The following TJP1 variants were observed in gnomAD, a reference collection of about 807,000 sequenced individuals.
TJP1 encodes the protein tight junction protein ZO-1.
TJP1 carries 43 observed loss-of-function variants against 194.2 expected under a neutral mutation model. That is an observed-to-expected ratio of 0.22 (90% CI 0.17 to 0.29). The LOEUF is 0.29. TJP1 is among the 10% of genes least tolerant of loss of function. The pLI, the probability that TJP1 is intolerant of heterozygous loss-of-function variation, is 1.00. For missense variants in TJP1, 1,971 were observed against 2,185.7 expected, an observed-to-expected ratio of 0.90 and a Z score of 1.96; for synonymous variants, 801 against 779.0, an observed-to-expected ratio of 1.03 and a Z score of -0.47.
At chr15:29,774,114 A>G (rs572834452) in intron 2 of TJP1, among the ~76,000 whole-genome samples, 1 of 152,310 alleles carries the variant, frequency 6.6e-6, no homozygotes, top group Admixed American at 6.5e-5. Context: ...AAGAGACAAT[A>G]TACATTTTCT....
At chr15:29,860,100 G>C (rs763997907) in intron 2 of TJP1, among the ~76,000 whole-genome samples, 3 of 152,130 alleles carry the variant, frequency 2.0e-5, no homozygotes, top group Non-Finnish European at 2.9e-5. Context: ...TCTATTCAAG[G>C]GGCAGGAATG....
intron 2 of TJP1, among the ~76,000 whole-genome samples, chr15:29,889,142 A>C (rs994008643): frequency 3.3e-5 from 5 of 152,198 alleles, no homozygotes; most frequent in African/African-American, 1.2e-4. Flanking sequence ...ATACAAAATA[A>C]TCTTTGACTG....
Position 29,708,638 on chromosome 15 carries a change from C to T in TJP1, c.4771G>A (p.Glu1591Lys). 6.2e-7 allele frequency: 1 copy of T among 1,614,204 alleles called. No individual in the cohort carries two copies. Among genetic ancestry groups the T allele is most frequent in the Non-Finnish European group, 8.5e-7 (1 of 1,180,026 alleles). ...AQPPEFDSGVETFSIHAEKPK... is the reference protein window; with the variant it reads ...AQPPEFDSGVKTFSIHAEKPK... The stretch of plus-strand genomic sequence containing the variant: ...TTCTCTGCATGGATAGAGAAAGTTT[C>T]AACTCCACTGTCAAACTCAGGAGGC... The change falls in exon 25 of 28, where the codon GAA (glutamate) becomes AAA (lysine). Residue 1591 changes from glutamate (E) to lysine (K), a missense_variant. By Grantham distance (56) the Glu-to-Lys change is moderately conservative. Around this residue, in one of 5 missense-constraint regions of TJP1, gnomAD observed 1,108 missense variants for 1,128.5 expected, o/e 0.98. Transcript: ENST00000614355.
In TJP1 at chr15:29,708,590, T is replaced by C. The variant is rs769669910; in HGVS notation, c.4819A>G (p.Ile1607Val). The C allele has an allele frequency of 2.5e-6, 4 of 1,613,574 alleles. No homozygotes were observed. Among genetic ancestry groups the C allele is most frequent in the Admixed American group, 3.3e-5 (2 of 60,014 alleles). ...GGAATAGCTTTAGGCACTGTGCTGATATTATTTATTTGATATTTAGGCTTC... is the reference window on the plus strand; with the variant it reads ...GGAATAGCTTTAGGCACTGTGCTGACATTATTTATTTGATATTTAGGCTTC... ...AEKPKYQINN[I>V]STVPKAIPVS... The change falls in exon 25 of 28, where the codon ATC becomes GTC. Residue 1607 changes from isoleucine (I) to valine (V), a missense_variant. Ile to Val is a conservative substitution (Grantham distance 29, BLOSUM62 3). Around this residue, in one of 5 missense-constraint regions of TJP1, gnomAD observed 1,108 missense variants for 1,128.5 expected, o/e 0.98. Transcript: ENST00000614355.
chr15:29,813,552 T>G (rs550817790), intron 1 of TJP1, among the ~76,000 whole-genome samples: 1 of 152,176 alleles, frequency 6.6e-6, no homozygotes, highest in Non-Finnish European at 1.5e-5. Flanking sequence ...AGAAGCCATA[T>G]ACAACAGAAT....
chr15:29,962,788 A>G (rs931093397), intron 1 of TJP1, among the ~76,000 whole-genome samples: 6 of 152,248 alleles, frequency 3.9e-5, no homozygotes, highest in Admixed American at 1.3e-4. Context: ...AACAGTAAAT[A>G]GTCATCTGAT....
At chr15:29,712,395 G>GT (rs2042295573) in intron 23 of TJP1, among the ~76,000 whole-genome samples, 1 of 152,164 alleles carries the variant, frequency 6.6e-6, no homozygotes, top group African/African-American at 2.4e-5. Context: ...CATAGCTAGT[G>GT]TAAGAGCCAA....
intron 2 of TJP1, among the ~76,000 whole-genome samples, chr15:29,950,400 C>T (rs1163558265): frequency 6.6e-6 from 1 of 151,754 alleles, no homozygotes; most frequent in Non-Finnish European, 1.5e-5. Flanking sequence ...ATAACCACCA[C>T]CACTTCTACC....
intron 2 of TJP1, among the ~76,000 whole-genome samples, chr15:29,921,667 T>C (rs2054363372): frequency 6.6e-6 from 1 of 152,170 alleles, no homozygotes; most frequent in African/African-American, 2.4e-5. Context: ...TAGCTCAGTT[T>C]ACTCTCATTT....
chr15:29,718,197 C>T (rs911343653), intron 21 of TJP1, 69 bp downstream of exon 21: 105 of 1,589,118 alleles, frequency 6.6e-5, no homozygotes, highest in Non-Finnish European at 8.1e-5. Flanking sequence ...CATGTAATGG[C>T]GGAGGGGAGA....
At chr15:29,893,305 C>T (rs1456657126) in intron 2 of TJP1, among the ~76,000 whole-genome samples, 1 of 152,158 alleles carries the variant, frequency 6.6e-6, no homozygotes, top group African/African-American at 2.4e-5. Context: ...AGAATCTACT[C>T]CTGGTAAGAC....
chr15:29,890,094 G>T (rs1000936813), intron 2 of TJP1, among the ~76,000 whole-genome samples: 6 of 151,968 alleles, frequency 3.9e-5, no homozygotes, highest in African/African-American at 1.5e-4. Flanking sequence ...GGCATGCCCC[G>T]ATCAGCAAAA....
chr15:29,736,945 CAA>C (rs1447698048), intron 11 of TJP1, among the ~76,000 whole-genome samples: 4 of 152,178 alleles, frequency 2.6e-5, no homozygotes, highest in African/African-American at 9.7e-5. Flanking sequence ...GTTGAACTTC[CAA>C]AGACTACCTG....
intron 2 of TJP1, among the ~76,000 whole-genome samples, chr15:29,828,463 A>C (rs528112969): frequency 7.7e-4 from 117 of 152,120 alleles, no homozygotes; most frequent in Non-Finnish European, 5.7e-4. Flanking sequence ...GACATCCAAA[A>C]AGGAATTATT....
At chr15:29,930,876 C>A (rs978483006) in intron 2 of TJP1, among the ~76,000 whole-genome samples, 1 of 152,080 alleles carries the variant, frequency 6.6e-6, no homozygotes, top group African/African-American at 2.4e-5. Flanking sequence ...CTGGTTATAA[C>A]CTGAAAATAC....
At chr15:29,855,117 A>G (rs926908128) in intron 2 of TJP1, among the ~76,000 whole-genome samples, 36 of 152,206 alleles carry the variant, frequency 2.4e-4, no homozygotes, top group Admixed American at 2.2e-3. Flanking sequence ...GTAATGAAAA[A>G]TATGAAACAT....
At chr15:29,815,629 T>G (rs1307528616) in intron 1 of TJP1, among the ~76,000 whole-genome samples, 1 of 152,216 alleles carries the variant, frequency 6.6e-6, no homozygotes, top group Non-Finnish European at 1.5e-5. Flanking sequence ...ACACATGAAT[T>G]TACAGCTGGA....
chr15:29,826,051 T>C (rs1048668804), upstream of TJP1, among the ~76,000 whole-genome samples: 3 of 151,886 alleles, frequency 2.0e-5, no homozygotes, highest in African/African-American at 7.3e-5. Context: ...ACTGTATATG[T>C]AAAGATAATT....
chr15:29,816,375 G>A lies in TJP1; in HGVS notation c.27+5627C>T, dbSNP rs563216552. The stretch of plus-strand genomic sequence containing the variant: ...AATTTGTGCCAATATATAACCTGGG[G>A]GGGAAGAACACCACAATTTGAAACA... On this transcript the variant is annotated intron_variant, in intron 1 of 27. Transcript: ENST00000614355. Among the ~76,000 whole-genome samples the A allele has an allele frequency of 2.0e-5, 3 of 152,188 alleles. No individual in the cohort carries two copies. In the South Asian group the frequency reaches 6.2e-4, roughly 32 times the overall value.
Sources: gnomAD v4.1 joint callset for allele counts (sites outside exome capture counted in the v4.1 genomes callset) on GRCh38, gnomAD v4.1.1 for gene constraint, gnomAD v4.1.1 regional missense constraint, MANE v1.5 for transcripts, NCBI Gene and HGNC (gene_info 2026-07-23, HGNC 2026-07-21) for gene names.